The following SPATA6 variants were observed in gnomAD, a reference collection of about 807,000 sequenced individuals.
The protein encoded by SPATA6 is spermatogenesis-associated protein 6.
SPATA6 carries 56 observed loss-of-function variants against 65.3 expected under a neutral mutation model. The observed-to-expected ratio is 0.86, with a 90% CI of 0.69 to 1.07. The LOEUF (loss-of-function observed/expected upper bound fraction) is 1.07. SPATA6 is among the 50% of genes least tolerant of loss of function. The pLI, the probability that SPATA6 is intolerant of heterozygous loss-of-function variation, is 0.00. For synonymous variants in SPATA6, 199 were observed against 213.2 expected (o/e 0.93, Z 0.58); for missense variants, 590 against 594.8 (o/e 0.99, Z 0.08).
intron 9 of SPATA6, among the ~76,000 whole-genome samples, chr1:48,364,656 T>A (rs1332632727): frequency 6.6e-6 from 1 of 152,218 alleles, no homozygotes. Flanking sequence ...GTTGTTTTTT[T>A]CTTGTAAATT....
intron 7 of SPATA6, among the ~76,000 whole-genome samples, chr1:48,397,001 G>T (rs1287762570): frequency 6.6e-6 from 1 of 151,528 alleles, no homozygotes; most frequent in Non-Finnish European, 1.5e-5. Context: ...GTGGTATATA[G>T]TCTTACAACA....
intron 3 of SPATA6, chr1:48,437,328 T>C (rs1655031347): frequency 9.3e-6 from 14 of 1,505,762 alleles, no homozygotes; most frequent in South Asian, 1.3e-5. Context: ...GAAAATACAG[T>C]TGGTGCACTG....
chr1:48,398,301 A>G (rs780573665), intron 7 of SPATA6, among the ~76,000 whole-genome samples: 2 of 149,166 alleles, frequency 1.3e-5, no homozygotes, highest in Non-Finnish European at 3.0e-5. Flanking sequence ...AGTTAAAAAA[A>G]ACGACTCATA....
At chr1:48,323,419 G>C (rs111865042) in intron 11 of SPATA6, among the ~76,000 whole-genome samples, 3,527 of 151,830 alleles carry the variant, frequency 0.023, 37 homozygotes, top group South Asian at 0.058. Flanking sequence ...GACCTGTCGA[G>C]GGGTGGGGGG....
At chr1:48,381,321 T>C (rs1648550830) in intron 9 of SPATA6, among the ~76,000 whole-genome samples, 1 of 152,152 alleles carries the variant, frequency 6.6e-6, no homozygotes, top group Non-Finnish European at 1.5e-5. Context: ...GCAAAAGAGA[T>C]GCATAAGAAT....
chr1:48,360,337 T>A (rs7513258), intron 9 of SPATA6, among the ~76,000 whole-genome samples: 26,784 of 151,918 alleles, frequency 0.18, 2,586 homozygotes, highest in Admixed American at 0.26. Context: ...TACAGGATAT[T>A]AAGTAACATG....
At chr1:48,283,530 T>G in the SPATA6 span, among the ~76,000 whole-genome samples, 2 of 149,930 alleles carry the variant, frequency 1.3e-5, no homozygotes, top group Admixed American at 1.3e-4. Context: ...AATACAAAAA[T>G]TAGCTGGGCA....
At chr1:48,461,414 A>G (rs1324364847) in intron 1 of SPATA6, among the ~76,000 whole-genome samples, 6 of 152,184 alleles carry the variant, frequency 3.9e-5, no homozygotes, top group Non-Finnish European at 7.3e-5. Flanking sequence ...GTCCTTGCCC[A>G]TGCCTATGTC....
chr1:48,398,496 T>C (rs1021207883), intron 7 of SPATA6, among the ~76,000 whole-genome samples: 1 of 151,780 alleles, frequency 6.6e-6, no homozygotes. Context: ...TTAAAGACAT[T>C]AGTCAGAAAT....
intron 11 of SPATA6, among the ~76,000 whole-genome samples, chr1:48,352,781 T>C (rs1015167846): frequency 6.6e-6 from 1 of 151,480 alleles, no homozygotes; most frequent in Admixed American, 6.6e-5. Flanking sequence ...AACTACTATG[T>C]CAAATAGCAA....
At chr1:48,293,437 A>G (rs1302557674), downstream of SPATA6, among the ~76,000 whole-genome samples, 1 of 152,174 alleles carries the variant, frequency 6.6e-6, no homozygotes, top group Non-Finnish European at 1.5e-5. Flanking sequence ...TCTGGACTCC[A>G]AAGCCCTCCC....
At chr1:48,366,616 G>C (rs1647024174) in intron 9 of SPATA6, among the ~76,000 whole-genome samples, 1 of 152,122 alleles carries the variant, frequency 6.6e-6, no homozygotes, top group Admixed American at 6.5e-5. Context: ...ATGGTAGTTT[G>C]TATTTCTGTG....
chr1:48,381,648 C>CTTTTG (rs1553160390), intron 9 of SPATA6, among the ~76,000 whole-genome samples: 116 of 112,364 alleles, frequency 1.0e-3, no homozygotes, highest in African/African-American at 3.7e-3. Context: ...TATGGTTTTT[C>CTTTTG]TTTTTTTTTT....
chr1:48,319,827 G>A (rs985618823), intron 11 of SPATA6, among the ~76,000 whole-genome samples: 62 of 152,202 alleles, frequency 4.1e-4, no homozygotes, highest in African/African-American at 1.3e-3. Context: ...TGAGCATCCC[G>A]GTGACAACTG....
At chr1:48,398,570 A>G (rs1650827146) in intron 7 of SPATA6, among the ~76,000 whole-genome samples, 1 of 151,818 alleles carries the variant, frequency 6.6e-6, no homozygotes. Flanking sequence ...GAGGTTTAGT[A>G]TTATTATATA....
chr1:48,303,171 C>G (rs1159046201), intron 12 of SPATA6, among the ~76,000 whole-genome samples: 1 of 151,952 alleles, frequency 6.6e-6, no homozygotes, highest in Non-Finnish European at 1.5e-5. Context: ...TGTACATATT[C>G]CTAAGGTACA....
downstream of SPATA6, among the ~76,000 whole-genome samples, chr1:48,293,276 G>A (rs1017937807): frequency 1.3e-5 from 2 of 152,184 alleles, no homozygotes; most frequent in Admixed American, 6.5e-5. Context: ...GGTAACATTT[G>A]GTAATGAGCT....
intron 3 of SPATA6, among the ~76,000 whole-genome samples, chr1:48,434,696 G>GT (rs1437564682): frequency 2.6e-5 from 4 of 151,964 alleles, no homozygotes; most frequent in African/African-American, 7.3e-5. Flanking sequence ...GCACTTACGG[G>GT]GGTGTGTGTG....
At chr1:48,385,401 A>T in intron 8 of SPATA6, 52 bp from the exon 9 acceptor site, 1 of 1,474,808 alleles carries the variant, frequency 6.8e-7, no homozygotes, top group Non-Finnish European at 9.3e-7. Context: ...TTCATCTTTG[A>T]TTTTTAATAC....
Sources: allele counts gnomAD v4.1 joint callset (sites outside exome capture counted in the v4.1 genomes callset), GRCh38; gene constraint gnomAD v4.1.1; transcripts MANE v1.5; gene names NCBI Gene and HGNC (gene_info 2026-07-23, HGNC 2026-07-21).